Variants in EPS8 observed in about 807,000 individuals in gnomAD.
EPS8 encodes epidermal growth factor receptor kinase substrate 8.
A neutral mutation model predicts 103.8 loss-of-function variants in EPS8; 42 were observed. The ratio of observed to expected loss-of-function variants is 0.40; its 90% CI spans 0.32 to 0.52. The LOEUF is 0.52. Among genes scored for constraint, EPS8 ranks in the 20% least tolerant of loss-of-function variants. The pLI, the probability that EPS8 is intolerant of heterozygous loss-of-function variation, is 0.40. For synonymous variants in EPS8, 344 were observed against 344.6 expected (o/e 1.00, Z 0.02); for missense variants, 969 against 1,005.1 (o/e 0.96, Z 0.49).
Position 15,688,681 on chromosome 12 carries a change from T to C in EPS8, c.-21-5709A>G, listed in dbSNP as rs553271227. Among the ~76,000 whole-genome samples the C allele has an allele frequency of 7.1e-4, 108 of 152,084 alleles. No homozygotes were observed. Among genetic ancestry groups the C allele is most frequent in the Non-Finnish European group, 3.1e-4 (21 of 68,000 alleles). ...GACTCCAGGGGAAAACCATTCTCCC[T>C]TGTGGCTCCCCCATCTGCTGAGAGC... On this transcript the variant is annotated intron_variant, in intron 1 of 20. Coordinates refer to ENST00000281172, the MANE Select transcript of EPS8 (RefSeq NM_004447.6). This position sits in a 1 kb window ranked among gnomAD's most constrained non-coding sequence, Gnocchi z 5.1.
intron 17 of EPS8, among the ~76,000 whole-genome samples, chr12:15,633,828 C>T (rs1945090838): frequency 6.6e-6 from 1 of 152,240 alleles, no homozygotes; most frequent in South Asian, 2.1e-4. Flanking sequence ...GCAACCTAGA[C>T]AGCTCTTCCA....
At chr12:15,740,485 C>T (rs60086351) in intron 1 of EPS8, among the ~76,000 whole-genome samples, 2,991 of 151,874 alleles carry the variant, frequency 0.02, 98 homozygotes, top group African/African-American at 0.068. Context: ...GCGTAGGTTG[C>T]GGTGAACCGA....
chr12:15,623,322 T>C (rs1268398890), intron 19 of EPS8, 35 bp from the exon 20 acceptor site: 1 of 1,560,406 alleles, frequency 6.4e-7, no homozygotes, highest in East Asian at 2.2e-5. Flanking sequence ...AACTGAGCAT[T>C]AAAAATATTG....
At chr12:15,666,342 T>C (rs1334912782) in intron 7 of EPS8, 98 bp downstream of exon 7, 1 of 860,790 alleles carries the variant, frequency 1.2e-6, no homozygotes, top group Non-Finnish European at 1.8e-6. Flanking sequence ...TACAATACAA[T>C]AATATACTTC....
In EPS8 at chr12:15,769,368, T is replaced by C. The variant is rs1947129909; in HGVS notation, c.-22+19793A>G. On this transcript the variant is annotated intron_variant, in intron 1 of 20. Transcript: ENST00000281172. The surrounding 1 kb of genome is among the most constrained non-coding windows in gnomAD (Gnocchi z 4.6). Reference sequence around the variant, plus strand: ...CAAAATAAATGCCACACTTGATATATACATACAACAAGAATAAGAAAAAAT... The same window carrying C: ...CAAAATAAATGCCACACTTGATATACACATACAACAAGAATAAGAAAAAAT... 6.6e-6 allele frequency among the ~76,000 whole-genome samples: 1 copy of C among 152,108 alleles called. No homozygotes were observed. Among genetic ancestry groups the C allele is most frequent in the Admixed American group, 6.5e-5 (1 of 15,272 alleles).
chr12:15,756,074 G>T (rs1047000771), intron 1 of EPS8, among the ~76,000 whole-genome samples: 3 of 152,180 alleles, frequency 2.0e-5, no homozygotes, highest in Non-Finnish European at 4.4e-5. Flanking sequence ...GTTGTAGTCT[G>T]ACTTAACTTA....
At chr12:15,644,476 C>T (rs549637620) in intron 15 of EPS8, among the ~76,000 whole-genome samples, 16 of 152,102 alleles carry the variant, frequency 1.1e-4, no homozygotes, top group African/African-American at 3.6e-4. Context: ...GGGCAGATCA[C>T]GAGGTCAGGA....
intron 17 of EPS8, 111 bp from the exon 18 acceptor site, chr12:15,631,775 A>G (rs1256155615): frequency 4.4e-5 from 33 of 752,524 alleles, no homozygotes; most frequent in Non-Finnish European, 6.5e-5. Context: ...TTACTTGCAA[A>G]CCCATTACTC....
chr12:15,669,022 C>A (rs767858195), intron 6 of EPS8, among the ~76,000 whole-genome samples: 4 of 152,264 alleles, frequency 2.6e-5, no homozygotes, highest in Admixed American at 6.5e-5. Flanking sequence ...AACTGAGTAG[C>A]TGAGACTACA....
chr12:15,723,456 G>T (rs1347085265), intron 1 of EPS8, among the ~76,000 whole-genome samples: 1 of 151,716 alleles, frequency 6.6e-6, no homozygotes, highest in Non-Finnish European at 1.5e-5. Context: ...TTTCCTTTTA[G>T]ATCAATAGGA....
chr12:15,774,616 CATAT>C (rs1297777794), intron 1 of EPS8, among the ~76,000 whole-genome samples: 3 of 146,070 alleles, frequency 2.1e-5, no homozygotes, highest in African/African-American at 7.5e-5. Flanking sequence ...AATATATATA[CATAT>C]ATAAATATAA....
chr12:15,624,489 C>T (rs758720754), intron 18 of EPS8, 82 bp from the exon 19 acceptor site: 53 of 1,092,890 alleles, frequency 4.8e-5, no homozygotes, highest in Non-Finnish European at 6.7e-5. Flanking sequence ...CTCTATAATC[C>T]TTGACCCCAG....
At chr12:15,663,958 T>TA (rs1565487358) in intron 8 of EPS8, among the ~76,000 whole-genome samples, 113 of 54,568 alleles carry the variant, frequency 2.1e-3, no homozygotes, top group African/African-American at 7.6e-3. Context: ...AATATATATA[T>TA]ATATATATAT....
intron 1 of EPS8, among the ~76,000 whole-genome samples, chr12:15,744,424 A>G (rs1372879882): frequency 1.3e-5 from 2 of 152,334 alleles, no homozygotes; most frequent in East Asian, 3.9e-4. Flanking sequence ...GATGAACTAT[A>G]GTGAGTGAAA....
chr12:15,711,451 C>T (rs1946463056), intron 1 of EPS8, among the ~76,000 whole-genome samples: 1 of 152,090 alleles, frequency 6.6e-6, no homozygotes, highest in South Asian at 2.1e-4. Context: ...AGTCTAGTTG[C>T]TGAAAAACGG....
chr12:15,762,570 G>A lies in EPS8; in HGVS notation c.-22+26591C>T, dbSNP rs1184645020. ...CAACAGATGAATGGATAAAGTAAAT[G>A]TGGTACTTATACACAATGGAGTACT... is the stretch of plus-strand genomic sequence containing the variant. On this transcript the variant is annotated intron_variant, in intron 1 of 20. Coordinates refer to ENST00000281172, the MANE Select transcript of EPS8 (RefSeq NM_004447.6). This position sits in a 1 kb window ranked among gnomAD's most constrained non-coding sequence, Gnocchi z 4.8. 6.6e-6 allele frequency among the ~76,000 whole-genome samples: 1 copy of A among 152,170 alleles called. No individual in the cohort carries two copies. The highest frequency in any genetic ancestry group is 2.4e-5 in the African/African-American group (1 of 41,452).
chr12:15,630,204 T>TCACA (rs58598084), intron 18 of EPS8, among the ~76,000 whole-genome samples: 116,388 of 148,898 alleles, frequency 0.78, 50,066 homozygotes, highest in Non-Finnish European at 0.95. Context: ...TCTCTCTCAC[T>TCACA]CACACACACA....
chr12:15,647,986 G>A lies in EPS8; in HGVS notation c.1435-726C>T, dbSNP rs184808620. Among the ~76,000 whole-genome samples, 38 of 152,298 alleles carry A rather than the reference G, an allele frequency of 2.5e-4. No individual in the cohort carries two copies. In the East Asian group the frequency reaches 4.3e-3, roughly 17 times the overall value. On this transcript the variant is annotated intron_variant, in intron 14 of 20. Transcript: ENST00000281172. ...CAGGCATTAGATTCTCATAAGAAGC[G>A]TGCAACCTAGATCCCTTGCATGTGC...
chr12:15,668,000 T>C (rs911627876), intron 6 of EPS8, among the ~76,000 whole-genome samples: 1 of 152,148 alleles, frequency 6.6e-6, no homozygotes, highest in Admixed American at 6.5e-5. Context: ...AGAACACAGA[T>C]ACAAACATCA....
Sources: gnomAD v4.1 joint callset for allele counts (sites outside exome capture counted in the v4.1 genomes callset) on GRCh38, gnomAD v4.1.1 for gene constraint, Gnocchi (gnomAD v3.1) non-coding constraint, MANE v1.5 for transcripts, NCBI Gene and HGNC (gene_info 2026-07-23, HGNC 2026-07-21) for gene names.